Variants in RGS5 observed in about 807,000 individuals in gnomAD.
The protein encoded by RGS5 is regulator of G protein signaling 5, also known as regulator of G-protein signalling 5.
RGS5 carries 20 observed loss-of-function variants against 18.9 expected under a neutral mutation model. The ratio of observed to expected loss-of-function variants is 1.06; its 90% CI spans 0.74 to 1.54. The LOEUF (loss-of-function observed/expected upper bound fraction) is 1.54, where lower values mean the gene tolerates loss of function less well. RGS5 is among the 40% of genes most tolerant of loss of function. RGS5 has a pLI of 0.00. For missense variants in RGS5, 201 were observed against 211.8 expected, an observed-to-expected ratio of 0.95 and a Z score of 0.32; for synonymous variants, 57 against 76.2, an observed-to-expected ratio of 0.75 and a Z score of 1.31.
intron 2 of RGS5, among the ~76,000 whole-genome samples, chr1:163,251,528 T>C (rs1162782707): frequency 1.3e-5 from 2 of 152,186 alleles, no homozygotes; most frequent in Non-Finnish European, 2.9e-5. Flanking sequence ...GTTTGGTCCT[T>C]GGACTTCTCA....
At position 163,146,995 on chromosome 1, in the gene RGS5, C is replaced by T. The variant is rs553848665; in HGVS notation, c.*347G>A. 8 of 167,868 alleles carry T rather than the reference C, an allele frequency of 4.8e-5. No homozygotes were observed. The South Asian group carries it at 1.3e-3, about 28-fold the overall frequency. The allele number at this position is 167,868 out of a possible 1,614,324, so 10.4% of individuals were successfully genotyped here. A position where few individuals can be genotyped will look rare whatever the true frequency, so the allele number is the denominator to read the frequency against. ...AATATTCTTTTTTAGACCAATTTAG[C>T]TGGAAATCTATTACTTAACCCACAT... On this transcript the variant is annotated 3_prime_UTR_variant, in exon 5 of 5. Coordinates refer to ENST00000313961, the MANE Select transcript of RGS5 (RefSeq NM_003617.4).
intron 2 of RGS5, among the ~76,000 whole-genome samples, chr1:163,295,956 TACAG>T (rs535045774): frequency 2.6e-5 from 4 of 152,026 alleles, no homozygotes; most frequent in African/African-American, 4.8e-5. Flanking sequence ...ATGGGCAGAG[TACAG>T]ACAAAGGAGT....
chr1:163,270,805 C>T (rs1459732515), intron 2 of RGS5, among the ~76,000 whole-genome samples: 1 of 152,122 alleles, frequency 6.6e-6, no homozygotes, highest in East Asian at 1.9e-4. Flanking sequence ...ATGAACTTTT[C>T]CTTCTGAAAG....
At chr1:163,176,326 G>C (rs1302253813) in intron 1 of RGS5, among the ~76,000 whole-genome samples, 1 of 152,202 alleles carries the variant, frequency 6.6e-6, no homozygotes, top group Non-Finnish European at 1.5e-5. Context: ...GGTGGACAGA[G>C]AAAAGCCTGT....
At chr1:163,180,144 A>G (rs1365947460) in intron 1 of RGS5, among the ~76,000 whole-genome samples, 4 of 151,964 alleles carry the variant, frequency 2.6e-5, no homozygotes, top group Non-Finnish European at 4.4e-5. Context: ...TAACTTTTGT[A>G]TTAATATTTT....
chr1:163,212,658 C>T (rs1660132262), intron 1 of RGS5: 2 of 152,202 alleles, frequency 1.3e-5, no homozygotes, highest in African/African-American at 4.8e-5. Context: ...CTTATAGCTC[C>T]CTCACTGTTC....
intron 3 of RGS5, among the ~76,000 whole-genome samples, chr1:163,158,962 C>T (rs939209065): frequency 3.3e-5 from 5 of 152,140 alleles, no homozygotes; most frequent in Non-Finnish European, 7.4e-5. Flanking sequence ...GAGGCCTCCC[C>T]TCAGGGACAC....
At chr1:163,308,801 C>A (rs1049356468) in intron 1 of RGS5, among the ~76,000 whole-genome samples, 10 of 152,124 alleles carry the variant, frequency 6.6e-5, no homozygotes. Flanking sequence ...CAGTTCCACA[C>A]CACTGCAATA....
chr1:163,155,409 T>A (rs1171045827), intron 3 of RGS5, among the ~76,000 whole-genome samples: 13 of 152,212 alleles, frequency 8.5e-5, no homozygotes, highest in Admixed American at 8.5e-4. Flanking sequence ...TCCACAATAT[T>A]CTTTTAACCT....
At chr1:163,278,971 T>C (rs781460220) in intron 2 of RGS5, among the ~76,000 whole-genome samples, 14 of 152,010 alleles carry the variant, frequency 9.2e-5, no homozygotes, top group Admixed American at 2.0e-4. Context: ...ATAAAGGGGG[T>C]AAATCAGCAA....
intron 2 of RGS5, among the ~76,000 whole-genome samples, chr1:163,236,163 A>T (rs1647616412): frequency 6.6e-6 from 1 of 152,178 alleles, no homozygotes; most frequent in South Asian, 2.1e-4. Context: ...CTACTAATTT[A>T]AATTGCCTCT....
chr1:163,314,414 G>A (rs1380822268), intron 1 of RGS5, among the ~76,000 whole-genome samples: 1 of 151,980 alleles, frequency 6.6e-6, no homozygotes, highest in Non-Finnish European at 1.5e-5. Flanking sequence ...AAGATATAGA[G>A]AACTTAGAAG....
At chr1:163,174,560 T>C (rs763215825) in intron 1 of RGS5, among the ~76,000 whole-genome samples, 8 of 152,222 alleles carry the variant, frequency 5.3e-5, no homozygotes, top group Non-Finnish European at 7.3e-5. Flanking sequence ...CACCATTAAA[T>C]GACTATAAGC....
intron 2 of RGS5, among the ~76,000 whole-genome samples, chr1:163,278,509 C>T (rs1319532077): frequency 6.6e-6 from 1 of 152,038 alleles, no homozygotes; most frequent in Non-Finnish European, 1.5e-5. Context: ...AGAATGATCT[C>T]TATTATCATG....
rs147993814 is a variant in RGS5 at position 163,312,413 on chromosome 1, A to G, written c.-377-6084T>C. Among the ~76,000 whole-genome samples the G allele has an allele frequency of 2.5e-3, 379 of 152,364 alleles. 3 individuals carry two copies. The highest frequency in any genetic ancestry group is 7.6e-3 in the African/African-American group (318 of 41,592). On this transcript the variant is annotated intron_variant, in intron 1 of 5. Transcript: ENST00000618415. ...GTAGTTATATGTAATGGGAGACTAA[A>G]TAAAAGAAAGATCTGTATGAAGTGA...
intron 1 of RGS5, chr1:163,172,614 G>C (rs1380233343): frequency 1.3e-6 from 2 of 1,549,584 alleles, no homozygotes; most frequent in Admixed American, 2.0e-5. Context: ...AGGGAGAAAA[G>C]ATATTCAGTG....
chr1:163,226,117 TC>T (rs1280904234), intron 2 of RGS5, among the ~76,000 whole-genome samples: 1 of 152,048 alleles, frequency 6.6e-6, no homozygotes, highest in East Asian at 1.9e-4. Context: ...ATGGGGTTTC[TC>T]CATGTTGGTC....
chr1:163,182,162 T>G (rs1172245722), intron 1 of RGS5, among the ~76,000 whole-genome samples: 3 of 152,102 alleles, frequency 2.0e-5, no homozygotes, highest in African/African-American at 7.2e-5. Flanking sequence ...GATAAATGGA[T>G]AGGATAGGAT....
intron 2 of RGS5, among the ~76,000 whole-genome samples, chr1:163,166,889 T>G (rs746310859): frequency 2.0e-5 from 3 of 152,138 alleles, no homozygotes; most frequent in African/African-American, 7.2e-5. Context: ...GATCAATAAA[T>G]TGTCACATTG....
Sources: gnomAD v4.1 joint callset for allele counts (sites outside exome capture counted in the v4.1 genomes callset) on GRCh38, gnomAD v4.1.1 for gene constraint, MANE v1.5 for transcripts, NCBI Gene and HGNC (gene_info 2026-07-23, HGNC 2026-07-21) for gene names.